The following CCNE1 variants were observed in gnomAD, a reference collection of about 807,000 sequenced individuals.
CCNE1 encodes the protein cyclin E1.
In CCNE1, 8 loss-of-function variants were observed where a neutral mutation model predicts 54.1. The ratio of observed to expected loss-of-function variants is 0.15; its 90% confidence interval spans 0.09 to 0.27. The LOEUF (loss-of-function observed/expected upper bound fraction) is 0.27. Among genes scored for constraint, CCNE1 ranks in the 10% least tolerant of loss-of-function variants. The pLI, the probability that CCNE1 is intolerant of heterozygous loss-of-function variation, is 1.00. For synonymous variants in CCNE1, 179 were observed against 185.2 expected (o/e 0.97, Z 0.27); for missense variants, 430 against 514.9 (o/e 0.84, Z 1.60).
Position 29,812,731 on chromosome 19 carries a change from G to A in CCNE1, c.66G>A (p.Ala22=), listed in dbSNP as rs754856510. Reference sequence around the variant, plus strand: ...ACACCATGAAGGAGGACGGCGGCGCGGAGTTCTCGGCTCGCTCCAGGAAGA... The same window carrying A: ...ACACCATGAAGGAGGACGGCGGCGCAGAGTTCTCGGCTCGCTCCAGGAAGA... ...ERDTMKEDGG[A]EFSARSRKRK... Residue 22 remains alanine, a synonymous_variant, in exon 3 of 12, where the codon GCG becomes GCA. Coordinates refer to ENST00000262643, the MANE Select transcript of CCNE1 (RefSeq NM_001238.4). The A allele has an allele frequency of 3.1e-6, 5 of 1,595,398 alleles. No homozygotes were observed. The highest frequency in any genetic ancestry group is 3.6e-5 in the Admixed American group (2 of 55,526).
At chr19:29,821,122 G>C (rs552903940) in intron 7 of CCNE1, among the ~76,000 whole-genome samples, 1 of 152,130 alleles carries the variant, frequency 6.6e-6, no homozygotes, top group African/African-American at 2.4e-5. Context: ...TTTTGGGCCC[G>C]GGTTGGTGGC....
Position 29,822,443 on chromosome 19 carries a change from C to T in CCNE1, c.953-3C>T, listed in dbSNP as rs2145729586. On this transcript the variant is annotated splice_region_variant and splice_polypyrimidine_tract_variant and intron_variant, in intron 10 of 11. Coordinates refer to ENST00000262643, the MANE Select transcript of CCNE1 (RefSeq NM_001238.4). ...GATTAAGCCCACGATGTCTTCACTG[C>T]AGGGTATCAGTGGTGCGACATAGAG... 6.2e-7 allele frequency: 1 copy of T among 1,613,816 alleles called. No individual in the cohort carries two copies. The highest frequency in any genetic ancestry group is 8.5e-7 in the Non-Finnish European group (1 of 1,179,746).
At chr19:29,814,443 C>T (rs1484963026) in intron 4 of CCNE1, among the ~76,000 whole-genome samples, 1 of 152,146 alleles carries the variant, frequency 6.6e-6, no homozygotes, top group African/African-American at 2.4e-5. Flanking sequence ...TGTCCCCTGG[C>T]CACAGTGTGG....
chr19:29,822,447 G>T lies in CCNE1; in HGVS notation c.954G>T (p.Gly318=), dbSNP rs571054191. 287 of 1,613,994 alleles carry T rather than the reference G, an allele frequency of 1.8e-4. 1 individual carries two copies. In the Middle Eastern group the frequency reaches 2.1e-3, roughly 12 times the overall value. The change falls in exon 11 of 12, where the codon GGG becomes GGT. Residue 318 remains glycine (G), a splice_region_variant and synonymous_variant. Coordinates refer to ENST00000262643, the MANE Select transcript of CCNE1 (RefSeq NM_001238.4). ...AAGCCCACGATGTCTTCACTGCAGG[G>T]TATCAGTGGTGCGACATAGAGAACT... ...SSSELMQKVS[G]YQWCDIENCV...
rs1599603740 is a variant in CCNE1 at position 29,821,899 on chromosome 19, G to T, written c.705+82G>T. ...ACCTGAAGTGTGAGTGCCTCTGGGA[G>T]GTGTTCTCCAGCTGGACACATTGTG... On this transcript the variant is annotated intron_variant, in intron 8 of 11. Coordinates refer to ENST00000262643, the MANE Select transcript of CCNE1 (RefSeq NM_001238.4). 5 of 1,500,874 alleles carry T rather than the reference G, an allele frequency of 3.3e-6. No individual in the cohort carries two copies. In the East Asian group the frequency reaches 9.1e-5, roughly 27 times the overall value. The allele number at this position is 1,500,874 out of a possible 1,614,324, so 93.0% of individuals were successfully genotyped here.
At chr19:29,823,610 A>T in intron 11 of CCNE1, 45 bp from the exon 12 acceptor site, 2 of 1,526,672 alleles carry the variant, frequency 1.3e-6, no homozygotes, top group Non-Finnish European at 1.8e-6. Context: ...AAGCCCAAGG[A>T]TATGTTCTAC....
At position 29,822,477 on chromosome 19, in the gene CCNE1, C is replaced by T. The variant is rs1343490535; in HGVS notation, c.984C>T (p.Val328=). The T allele has an allele frequency of 6.2e-7, 1 of 1,614,066 alleles. No homozygotes were observed. The highest frequency in any genetic ancestry group is 8.5e-7 in the Non-Finnish European group (1 of 1,180,012). Reference sequence around the variant, plus strand: ...AGTGGTGCGACATAGAGAACTGTGTCAAGTGGATGGTTCCATTTGCCATGG... The same window carrying T: ...AGTGGTGCGACATAGAGAACTGTGTTAAGTGGATGGTTCCATTTGCCATGG... The part of the protein sequence containing the change: ...GYQWCDIENC[V]KWMVPFAMVI... Residue 328 remains valine (V), a synonymous_variant, in exon 11 of 12, where the codon GTC becomes GTT. Transcript: ENST00000262643.
In CCNE1 at chr19:29,822,291, A is replaced by G. The variant is rs1249477312; in HGVS notation, c.892A>G (p.Ile298Val). The G allele has an allele frequency of 6.2e-6, 10 of 1,614,098 alleles. No individual in the cohort carries two copies. Among genetic ancestry groups the G allele is most frequent in the Non-Finnish European group, 7.6e-6 (9 of 1,180,020 alleles). ...DVDCLEFPYG[I>V]LAASALYHFS... is the part of the protein sequence containing the mutation. ...TGACTGCCTTGAATTTCCTTATGGT[A>G]TACTTGCTGCTTCGGCCTTGTATCA... Residue 298 changes from isoleucine to valine, a missense_variant, in exon 10 of 12, where the codon ATA becomes GTA. Ile to Val is a conservative substitution (Grantham distance 29, BLOSUM62 3). Transcript: ENST00000262643.
chr19:29,817,260 G>A lies in CCNE1; in HGVS notation c.304G>A (p.Gly102Ser). ...CKPRIIAPSRGSPLPVLSWAN... is the reference protein window; with the variant it reads ...CKPRIIAPSRSSPLPVLSWAN... ...GCCTCGGATTATTGCACCATCCAGA[G>A]GCTCCCCGCTGCCTGTACTGAGGTC... is the stretch of plus-strand genomic sequence containing the variant. Residue 102 changes from glycine (G) to serine (S), a missense_variant, in exon 5 of 12, where the codon GGC becomes AGC. By Grantham distance (56) the Gly-to-Ser change is moderately conservative (BLOSUM62 0). Around this residue, in one of 2 missense-constraint regions of CCNE1, gnomAD observed 303 missense variants for 401.1 expected, o/e 0.76. Transcript: ENST00000262643. 1 of 1,614,132 alleles carries A rather than the reference G, an allele frequency of 6.2e-7. No individual in the cohort carries two copies. The highest frequency in any genetic ancestry group is 8.5e-7 in the Non-Finnish European group (1 of 1,180,030).
At chr19:29,814,572 GCTGT>G (rs1159131832) in intron 4 of CCNE1, among the ~76,000 whole-genome samples, 2 of 152,200 alleles carry the variant, frequency 1.3e-5, no homozygotes, top group African/African-American at 4.8e-5. Context: ...TTAAACATTA[GCTGT>G]CTATGTATGG....
At position 29,812,814 on chromosome 19, in the gene CCNE1, C is replaced by CA. The variant is rs1568366275; in HGVS notation, c.111+39dup. The CA allele has an allele frequency of 5.0e-6, 8 of 1,587,560 alleles. No individual in the cohort carries two copies. The South Asian group carries it at 7.9e-5, about 16-fold the overall frequency. On this transcript the variant is annotated intron_variant, in intron 3 of 11. Coordinates refer to ENST00000262643, the MANE Select transcript of CCNE1 (RefSeq NM_001238.4). ...GAGACAGGTTGGGGAGCATCCCCCC[C>CA]ATCTCACCTGGGTACCCGACTTGGC... is the stretch of plus-strand genomic sequence containing the variant.
At position 29,812,763 on chromosome 19, in the gene CCNE1, C is replaced by T. The variant is rs1186891855; in HGVS notation, c.98C>T (p.Ala33Val). ...TCGGCTCGCTCCAGGAAGAGGAAGG[C>T]AAACGTGACCGTTGTGAGTACAAAA... ...EFSARSRKRK[A>V]NVTVFLQDPD... The change falls in exon 3 of 12, where the codon GCA (alanine) becomes GTA (valine). Residue 33 changes from alanine (A) to valine (V), a missense_variant. Physicochemically the swap from Ala to Val is moderately conservative, Grantham distance 64. Coordinates refer to ENST00000262643, the MANE Select transcript of CCNE1 (RefSeq NM_001238.4). 1 of 1,592,288 alleles carries T rather than the reference C, an allele frequency of 6.3e-7. No homozygotes were observed. The highest frequency in any genetic ancestry group is 1.8e-5 in the Admixed American group (1 of 54,554).
chr19:29,819,226 C>A (rs976640517), intron 6 of CCNE1, among the ~76,000 whole-genome samples: 1 of 151,974 alleles, frequency 6.6e-6, no homozygotes, highest in Non-Finnish European at 1.5e-5. Context: ...CCTAGGTGAC[C>A]ATGAGACTCT....
intron 4 of CCNE1, among the ~76,000 whole-genome samples, chr19:29,815,754 G>A (rs1343871382): frequency 1.3e-5 from 2 of 150,872 alleles, no homozygotes; most frequent in Non-Finnish European, 2.9e-5. Context: ...TCAGCCTCCC[G>A]AGTAGTTGGG....
intron 7 of CCNE1, 56 bp downstream of exon 7, chr19:29,820,904 G>T: frequency 1.5e-6 from 2 of 1,368,612 alleles, no homozygotes; most frequent in Non-Finnish European, 2.1e-6. Flanking sequence ...GAGCTCCACT[G>T]AGATTGGGGG....
In CCNE1 at chr19:29,817,271, G is replaced by A. The variant is rs920500412; in HGVS notation, c.315G>A (p.Leu105=). The change falls in exon 5 of 12, where the codon CTG becomes CTA. Residue 105 remains leucine (L), a synonymous_variant. Transcript: ENST00000262643. ...TTGCACCATCCAGAGGCTCCCCGCT[G>A]CCTGTACTGAGGTCAGTGCCGACTC... The part of the protein sequence containing the change: ...RIIAPSRGSP[L]PVLSWANREE... 6.2e-7 allele frequency: 1 copy of A among 1,614,184 alleles called. No homozygotes were observed. Among genetic ancestry groups the A allele is most frequent in the Admixed American group, 1.7e-5 (1 of 60,014 alleles).
intron 1 of CCNE1, 136 bp from the exon 2 acceptor site, chr19:29,812,396 G>T: frequency 2.1e-6 from 1 of 481,666 alleles, no homozygotes; most frequent in South Asian, 1.0e-4. Flanking sequence ...GTCGGCGGGT[G>T]CCCGGGTCGC....
intron 4 of CCNE1, among the ~76,000 whole-genome samples, chr19:29,813,704 C>T (rs572124741): frequency 5.3e-5 from 8 of 152,146 alleles, no homozygotes; most frequent in African/African-American, 1.9e-4. Flanking sequence ...CTTTTCTTTT[C>T]TCTCCTTAAG....
In CCNE1 at chr19:29,822,326, A is replaced by C. The variant is rs1294819273; in HGVS notation, c.927A>C (p.Ser309=). Residue 309 remains serine (S), a synonymous_variant, in exon 10 of 12, where the codon TCA becomes TCC. Coordinates refer to ENST00000262643, the MANE Select transcript of CCNE1 (RefSeq NM_001238.4). Reference sequence around the variant, plus strand: ...CTTCGGCCTTGTATCATTTCTCGTCATCTGAATTGATGCAAAAGGTTTCAG... The same window carrying C: ...CTTCGGCCTTGTATCATTTCTCGTCCTCTGAATTGATGCAAAAGGTTTCAG... ...LAASALYHFS[S]SELMQKVSGY... 6.2e-7 allele frequency: 1 copy of C among 1,614,070 alleles called. No individual in the cohort carries two copies. The highest frequency in any genetic ancestry group is 1.3e-5 in the African/African-American group (1 of 75,004).
Sources: allele counts gnomAD v4.1 joint callset (sites outside exome capture counted in the v4.1 genomes callset), GRCh38; gene constraint gnomAD v4.1.1; regional missense constraint gnomAD v4.1.1; transcripts MANE v1.5; gene names NCBI Gene and HGNC (gene_info 2026-07-23, HGNC 2026-07-21).